MDC1: variants seen among roughly 807,000 people sequenced by gnomAD.
MDC1 encodes the protein mediator of DNA damage checkpoint 1, also known as mediator of DNA damage checkpoint protein 1.
A neutral mutation model predicts 142.5 loss-of-function variants in MDC1; 81 were observed. That is an observed-to-expected ratio of 0.57 (90% CI 0.47 to 0.68). The LOEUF is 0.68. Ranked by LOEUF, MDC1 falls within the 30% of genes least tolerant of loss-of-function variation. The pLI, the probability that MDC1 is intolerant of heterozygous loss-of-function variation, is 0.00. For synonymous variants in MDC1, 797 were observed against 968.4 expected (o/e 0.82, Z 3.29); for missense variants, 2,119 against 2,547.9 (o/e 0.83, Z 3.62).
At position 30,703,368 on chromosome 6, in the gene MDC1, T is replaced by C; in HGVS notation, c.5682+50A>G. 6.2e-7 allele frequency: 1 copy of C among 1,613,156 alleles called. No homozygotes were observed. The highest frequency in any genetic ancestry group is 8.5e-7 in the Non-Finnish European group (1 of 1,179,898). ...CTACAATCCTCTAGGTCTCCTTGCA[T>C]CCTCCCCTCATCTCTGTCTCCCACA... is the stretch of plus-strand genomic sequence containing the variant. On this transcript the variant is annotated intron_variant, in intron 11 of 14. Transcript: ENST00000376406. This position sits in a 1 kb window ranked among gnomAD's most constrained non-coding sequence, Gnocchi z 4.4.
At position 30,702,572 on chromosome 6, in the gene MDC1, C is replaced by T. The variant is rs1391980363; in HGVS notation, c.6083G>A (p.Ser2028Asn). 2 of 1,599,508 alleles carry T rather than the reference C, an allele frequency of 1.3e-6. No homozygotes were observed. Among genetic ancestry groups the T allele is most frequent in the Non-Finnish European group, 1.7e-6 (2 of 1,174,198 alleles). ...ISCCGGTYLP[S>N]MPRSYKPQRV... is the part of the protein sequence containing the mutation. Reference sequence around the variant, plus strand: ...GCATACCTTATAGGACCGAGGCATGCTGGGTAGGTATGTGCCTCCACAGCA... The same window carrying T: ...GCATACCTTATAGGACCGAGGCATGTTGGGTAGGTATGTGCCTCCACAGCA... The change falls in exon 14 of 15, where the codon AGC becomes AAC. Residue 2028 changes from serine (S) to asparagine (N), a missense_variant. Coordinates refer to ENST00000376406, the MANE Select transcript of MDC1 (RefSeq NM_014641.3).
In MDC1 at chr6:30,709,619, C is replaced by T. The variant is rs961015912; in HGVS notation, c.2222-1262G>A. ...GAACACTAGAACTTATTCATTCAAT[C>T]TGACTGGATTTTTGTATTCATTAAC... On this transcript the variant is annotated intron_variant, in intron 7 of 14. Transcript: ENST00000376406. The surrounding 1 kb of genome is among the most constrained non-coding windows in gnomAD (Gnocchi z 4.2). 6.6e-6 allele frequency among the ~76,000 whole-genome samples: 1 copy of T among 152,182 alleles called. No homozygotes were observed. Among genetic ancestry groups the T allele is most frequent in the African/African-American group, 2.4e-5 (1 of 41,454 alleles).
chr6:30,703,828 G>A lies in MDC1; in HGVS notation c.5355C>T (p.Ala1785=), dbSNP rs1248251808. The A allele has an allele frequency of 2.9e-5, 46 of 1,610,972 alleles. No homozygotes were observed. Among genetic ancestry groups the A allele is most frequent in the Non-Finnish European group, 3.9e-5 (46 of 1,178,572 alleles). The change falls in exon 10 of 15, where the codon GCC becomes GCT. Residue 1785 remains alanine (A), a synonymous_variant. Transcript: ENST00000376406. The surrounding 1 kb of genome is among the most constrained non-coding windows in gnomAD (Gnocchi z 4.4). ...CTGGTTCCACCTTTTGGATCTGGGA[G>A]GCATGAATTGGTGTCTCAAGAAGCT... The part of the protein sequence containing the change: ...SPQLLETPIH[A]SQIQKVEPAG...
chr6:30,699,839 A>G lies in MDC1; in HGVS notation c.*626T>C. The G allele has an allele frequency of 4.6e-6, 1 of 217,104 alleles. No individual in the cohort carries two copies. Among genetic ancestry groups the G allele is most frequent in the Non-Finnish European group, 9.3e-6 (1 of 107,912 alleles). 13.4% of individuals were successfully genotyped at this position (217,104 alleles called of 1,614,324 possible). On this transcript the variant is annotated 3_prime_UTR_variant, in exon 15 of 15. Coordinates refer to ENST00000376406, the MANE Select transcript of MDC1 (RefSeq NM_014641.3). The stretch of plus-strand genomic sequence containing the variant: ...CAGAGTGAATATTTATTTATCACAG[A>G]GGTCAAGCCGAAGCTCTAATTTTAT...
rs1772406733 is a variant in MDC1 at position 30,700,275 on chromosome 6, AC to A, written c.*189del. The A allele has an allele frequency of 8.2e-6, 4 of 490,154 alleles. No individual in the cohort carries two copies. The highest frequency in any genetic ancestry group is 1.0e-5 in the Non-Finnish European group (3 of 290,654). The allele number at this position is 490,154 out of a possible 1,614,324, so 30.4% of individuals were successfully genotyped here. A position where few individuals can be genotyped will look rare whatever the true frequency, so the allele number is the denominator to read the frequency against. On this transcript the variant is annotated 3_prime_UTR_variant, in exon 15 of 15. Transcript: ENST00000376406. ...AATAAAATGGCCATTAAAAAAACAAACAAACAAACAAAAAACAACCTGTGGC... is the reference window on the plus strand; with the variant it reads ...AATAAAATGGCCATTAAAAAAACAAAAAACAAACAAAAAACAACCTGTGGC...
rs765611501 is a variant in MDC1, at chr6:30,714,106, A to G, written c.214T>C (p.Ser72Pro). The G allele has an allele frequency of 1.2e-6, 2 of 1,612,588 alleles. No individual in the cohort carries two copies. The highest frequency in any genetic ancestry group is 2.2e-5 in the East Asian group (1 of 44,888). The change falls in exon 3 of 15, where the codon TCC becomes CCC. Residue 72 changes from serine (S) to proline (P), a missense_variant. Transcript: ENST00000376406. ...ATTTCAATCTCTGCATGTTGTTTGG[A>G]GATAGATGGAAAGGGCAGGGCCACA... ...CSVALPFPSI[S>P]KQHAEIEILA...
chr6:30,707,208 A>G (rs1230997764), intron 9 of MDC1, among the ~76,000 whole-genome samples, 176 bp downstream of exon 9: 1 of 152,216 alleles, frequency 6.6e-6, no homozygotes, highest in African/African-American at 2.4e-5. Context: ...TAGGAAACAG[A>G]TATGGAAAAC....
intron 5 of MDC1, 49 bp from the exon 6 acceptor site, chr6:30,711,775 C>T: frequency 1.3e-6 from 2 of 1,589,846 alleles, no homozygotes; most frequent in Middle Eastern, 1.7e-4. Context: ...TCATACCTGA[C>T]ACTAAACTCC....
rs934431987 is a variant in MDC1 at position 30,712,903 on chromosome 6, T to C, written c.1039A>G (p.Met347Val). ...CCATGGAAGATCTTCCTCTTCTTCA[T>C]AGGAATGACAACTGGGGTTGCTGGG... ...RIPATPVVIP[M>V]KKRKIFHGVG... Residue 347 changes from methionine (M) to valine (V), a missense_variant, in exon 5 of 15, where the codon ATG becomes GTG. Coordinates refer to ENST00000376406, the MANE Select transcript of MDC1 (RefSeq NM_014641.3). This position sits in a 1 kb window ranked among gnomAD's most constrained non-coding sequence, Gnocchi z 4.7. 5.0e-6 allele frequency: 8 copies of C among 1,613,058 alleles called. No individual in the cohort carries two copies. The highest frequency in any genetic ancestry group is 2.2e-5 in the East Asian group (1 of 44,888).
At chr6:30,708,855 C>CAAAAAAAACAAAAAAAAAA (rs1774362228) in intron 7 of MDC1, among the ~76,000 whole-genome samples, 1 of 55,238 alleles carries the variant, frequency 1.8e-5, no homozygotes. Context: ...GACTCTGTCT[C>CAAAAAAAACAAAAAAAAAA]AAAAAAAAAA....
Position 30,705,590 on chromosome 6 carries a change from G to T in MDC1, c.3593C>A (p.Thr1198Asn). 6.2e-7 allele frequency: 1 copy of T among 1,607,168 alleles called. No homozygotes were observed. Among genetic ancestry groups the T allele is most frequent in the Non-Finnish European group, 8.5e-7 (1 of 1,177,066 alleles). The change falls in exon 10 of 15, where the codon ACC becomes AAC. Residue 1198 changes from threonine (T) to asparagine (N), a missense_variant. By Grantham distance (65) the Thr-to-Asn change is moderately conservative. Coordinates refer to ENST00000376406, the MANE Select transcript of MDC1 (RefSeq NM_014641.3). ...GGCTGTGGGCACAACTGTTTCAGGG[G>T]TCTTGACAGAGGATCTACTTTTTCT... ...RGRKSRSSVK[T>N]PETVVPTALE...
At chr6:30,706,791 T>A (rs1773940639) in intron 9 of MDC1, among the ~76,000 whole-genome samples, 1 of 149,550 alleles carries the variant, frequency 6.7e-6, no homozygotes, top group Non-Finnish European at 1.5e-5. Flanking sequence ...AGTGAGACTG[T>A]CTCAAAAAAA....
chr6:30,702,256 C>CAAAAAAAAAAAAA (rs57764077), intron 14 of MDC1, among the ~76,000 whole-genome samples: 22 of 59,134 alleles, frequency 3.7e-4, no homozygotes, highest in African/African-American at 6.7e-4. Context: ...GACTCCATCT[C>CAAAAAAAAAAAAA]AAAAAAAAAA....
chr6:30,703,180 C>T lies in MDC1; in HGVS notation c.5789G>A (p.Arg1930His), dbSNP rs868678495. The T allele has an allele frequency of 2.4e-5, 39 of 1,612,970 alleles. No homozygotes were observed. Among genetic ancestry groups the T allele is most frequent in the Non-Finnish European group, 3.0e-5 (35 of 1,180,044 alleles). The stretch of plus-strand genomic sequence containing the variant: ...CAGGAACTTGACTGTCCGGCGGATG[C>T]GATCAGTGACCAGGTGGGAAGCCTC... ...AAEASHLVTD[R>H]IRRTVKFLCA... The change falls in exon 12 of 15, where the codon CGC becomes CAC. Residue 1930 changes from arginine to histidine, a missense_variant. By Grantham distance (29) the Arg-to-His change is conservative. Coordinates refer to ENST00000376406, the MANE Select transcript of MDC1 (RefSeq NM_014641.3). This position sits in a 1 kb window ranked among gnomAD's most constrained non-coding sequence, Gnocchi z 4.4.
Position 30,704,632 on chromosome 6 carries a change from TC to T in MDC1, c.4550del (p.Gly1517GlufsTer58). The T allele has an allele frequency of 6.3e-7, 1 of 1,587,022 alleles. No individual in the cohort carries two copies. Among genetic ancestry groups the T allele is most frequent in the South Asian group, 1.1e-5 (1 of 90,000 alleles). On this transcript the variant is annotated frameshift_variant, in exon 10 of 15. Coordinates refer to ENST00000376406, the MANE Select transcript of MDC1 (RefSeq NM_014641.3). LOFTEE classifies it high-confidence loss of function. ...TSEPTSRTTR[G>X]RKNRSSVKTP... ...TCTTGACAGAGGACCGATTTTTTCTTCCCCTAGTGGTCCGAGATGTGGGCTC... is the reference window on the plus strand; with the variant it reads ...TCTTGACAGAGGACCGATTTTTTCTTCCCTAGTGGTCCGAGATGTGGGCTC...
intron 14 of MDC1, among the ~76,000 whole-genome samples, chr6:30,701,823 A>G (rs1208393200): frequency 6.6e-6 from 1 of 152,150 alleles, no homozygotes; most frequent in African/African-American, 2.4e-5. Context: ...AAATGTACGT[A>G]TTTCTTAGAG....
In MDC1 at chr6:30,705,255, T is replaced by A. The variant is rs1773565534; in HGVS notation, c.3928A>T (p.Thr1310Ser). The change falls in exon 10 of 15, where the codon ACT becomes TCT. Residue 1310 changes from threonine (T) to serine (S), a missense_variant. Thr to Ser is a moderately conservative substitution (Grantham distance 58). Coordinates refer to ENST00000376406, the MANE Select transcript of MDC1 (RefSeq NM_014641.3). ...PVTPKPTSRT[T>S]RSRTNMSSVK... ...GAGGACATATTTGTCCTGCTCCTAGTGGTCCGAGATGTGGGCTTGGGGGTG... is the reference window on the plus strand; with the variant it reads ...GAGGACATATTTGTCCTGCTCCTAGAGGTCCGAGATGTGGGCTTGGGGGTG... 1.2e-6 allele frequency: 2 copies of A among 1,602,770 alleles called. No homozygotes were observed. The highest frequency in any genetic ancestry group is 1.1e-5 in the South Asian group (1 of 89,858).
rs941310229 is a variant in MDC1 at position 30,709,697 on chromosome 6, C to A, written c.2222-1340G>T. Among the ~76,000 whole-genome samples, 11 of 152,158 alleles carry A rather than the reference C, an allele frequency of 7.2e-5. No individual in the cohort carries two copies. Among genetic ancestry groups the A allele is most frequent in the African/African-American group, 2.7e-4 (11 of 41,440 alleles). On this transcript the variant is annotated intron_variant, in intron 7 of 14. Transcript: ENST00000376406. The surrounding 1 kb of genome is among the most constrained non-coding windows in gnomAD (Gnocchi z 4.2). ...ACCCTTCCTAGCCTTTGGTAACCACCATTCTACTCTCTACTTCCATGAGAT... is the reference window on the plus strand; with the variant it reads ...ACCCTTCCTAGCCTTTGGTAACCACAATTCTACTCTCTACTTCCATGAGAT...
In MDC1 at chr6:30,712,743, A is replaced by G. The variant is rs577411653; in HGVS notation, c.1199T>C (p.Ile400Thr). ...PLEKSQASMV[I>T]NSDTDDEEEV... ...TTCCTCGTCATCTGTATCGCTGTTG[A>G]TAACCATGGAAGCTTGGCTTTTCTC... The change falls in exon 5 of 15, where the codon ATC becomes ACC. Residue 400 changes from isoleucine to threonine, a missense_variant. Transcript: ENST00000376406. The surrounding 1 kb of genome is among the most constrained non-coding windows in gnomAD (Gnocchi z 4.7). 3 of 1,613,020 alleles carry G rather than the reference A, an allele frequency of 1.9e-6. No homozygotes were observed. The highest frequency in any genetic ancestry group is 3.3e-5 in the Admixed American group (2 of 60,020).
Sources: gnomAD v4.1 joint callset for allele counts (sites outside exome capture counted in the v4.1 genomes callset) on GRCh38, gnomAD v4.1.1 for gene constraint, Gnocchi (gnomAD v3.1) non-coding constraint, MANE v1.5 for transcripts, NCBI Gene and HGNC (gene_info 2026-07-23, HGNC 2026-07-21) for gene names.